Variants in ZMYM2 observed in about 807,000 individuals in gnomAD.
The protein encoded by ZMYM2 is zinc finger MYM-type protein 2.
Under a neutral mutation model 162.8 loss-of-function variants are expected in ZMYM2, and 56 were observed. The ratio of observed to expected loss-of-function variants is 0.34; its 90% confidence interval spans 0.28 to 0.43. The LOEUF (loss-of-function observed/expected upper bound fraction) is 0.43. Ranked by LOEUF, ZMYM2 falls within the 20% of genes least tolerant of loss-of-function variation. ZMYM2 has a pLI of 1.00. For synonymous variants in ZMYM2, 510 were observed against 541.6 expected (o/e 0.94, Z 0.81); for missense variants, 1,275 against 1,621.8 (o/e 0.79, Z 3.67).
the ZMYM2 span, among the ~76,000 whole-genome samples, chr13:19,931,058 G>T: frequency 4.0e-5 from 6 of 150,318 alleles, no homozygotes; most frequent in East Asian, 2.0e-4. Flanking sequence ...AGAATGGCGT[G>T]AACCCAGGAG....
At chr13:19,935,335 C>T in the ZMYM2 span, among the ~76,000 whole-genome samples, 1 of 151,884 alleles carries the variant, frequency 6.6e-6, no homozygotes, top group East Asian at 1.9e-4. Flanking sequence ...AGGGGTCTCA[C>T]CATATTGGCC....
the ZMYM2 span, among the ~76,000 whole-genome samples, chr13:19,931,069 G>A: frequency 1.3e-5 from 2 of 150,698 alleles, no homozygotes; most frequent in Non-Finnish European, 3.0e-5. Context: ...AACCCAGGAG[G>A]CGGAGCTTGC....
At chr13:19,990,347 A>T (rs973510472) in intron 2 of ZMYM2, among the ~76,000 whole-genome samples, 49 of 152,212 alleles carry the variant, frequency 3.2e-4, no homozygotes, top group Non-Finnish European at 2.9e-5. Flanking sequence ...TTTGCTTCTT[A>T]CTTTGATCTG....
At chr13:19,944,010 CG>C in the ZMYM2 span, among the ~76,000 whole-genome samples, 3 of 152,018 alleles carry the variant, frequency 2.0e-5, no homozygotes, top group Admixed American at 2.0e-4. Context: ...GTAAAATATG[CG>C]GGGCTGTAGA....
At chr13:20,057,669 T>C (rs1049154621) in intron 14 of ZMYM2, among the ~76,000 whole-genome samples, 2 of 152,200 alleles carry the variant, frequency 1.3e-5, no homozygotes, top group South Asian at 2.1e-4. Context: ...TACACAAATA[T>C]TCTCTAATGA....
intron 10 of ZMYM2, among the ~76,000 whole-genome samples, chr13:20,033,069 T>C (rs948796952): frequency 6.6e-6 from 1 of 152,154 alleles, no homozygotes; most frequent in Non-Finnish European, 1.5e-5. Flanking sequence ...TGATGATTTT[T>C]AGTGACTGAT....
intron 2 of ZMYM2, among the ~76,000 whole-genome samples, chr13:19,963,093 C>T (rs1434650855): frequency 6.6e-6 from 1 of 152,162 alleles, no homozygotes; most frequent in East Asian, 1.9e-4. Flanking sequence ...CCCGCCTCAA[C>T]CTTCCAGAGT....
intron 21 of ZMYM2, 129 bp from the exon 22 acceptor site, chr13:20,081,887 A>C (rs1376341014): frequency 7.6e-6 from 4 of 525,066 alleles, no homozygotes; most frequent in Non-Finnish European, 1.3e-5. Context: ...AAAATCAGTC[A>C]TGTTTTAGTA....
the ZMYM2 span, among the ~76,000 whole-genome samples, chr13:19,905,782 G>C: frequency 6.6e-6 from 1 of 152,162 alleles, no homozygotes; most frequent in Non-Finnish European, 1.5e-5. Flanking sequence ...TTGGGACTGT[G>C]AGTAACAAAC....
In ZMYM2 at chr13:19,993,430, G is replaced by T. The variant is rs1270581051; in HGVS notation, c.358G>T (p.Asp120Tyr). The T allele has an allele frequency of 2.5e-6, 4 of 1,613,744 alleles. No homozygotes were observed. Among genetic ancestry groups the T allele is most frequent in the Non-Finnish European group, 3.4e-6 (4 of 1,179,890 alleles). The stretch of plus-strand genomic sequence containing the variant: ...AAGTGTAAGTGAGACAATTGTCATT[G>T]ATGATGAAGAGGACATGGAAACAAA... ...KGSVSETIVI[D>Y]DEEDMETNQG... Residue 120 changes from aspartate to tyrosine, a missense_variant, in exon 3 of 25, where the codon GAT (aspartate) becomes TAT (tyrosine). Physicochemically the swap from Asp to Tyr is radical, Grantham distance 160 (BLOSUM62 -3). Around this residue, in one of 10 missense-constraint regions of ZMYM2, gnomAD observed 295 missense variants for 286.7 expected, o/e 1.03. Coordinates refer to ENST00000610343, the MANE Select transcript of ZMYM2 (RefSeq NM_197968.4).
intron 1 of ZMYM2, 39 bp from the exon 2 acceptor site, chr13:19,959,919 G>A (rs1042846020): frequency 6.6e-6 from 1 of 152,270 alleles, no homozygotes; most frequent in Non-Finnish European, 1.5e-5. Context: ...ACCAGGTTGT[G>A]TGTTTTTGAT....
chr13:19,975,487 T>C (rs1056846584), intron 2 of ZMYM2, among the ~76,000 whole-genome samples: 1 of 152,240 alleles, frequency 6.6e-6, no homozygotes, highest in Non-Finnish European at 1.5e-5. Context: ...TATGTTGTAG[T>C]ATGTATCAGA....
the ZMYM2 span, among the ~76,000 whole-genome samples, chr13:19,914,379 G>T: frequency 1.3e-5 from 2 of 152,190 alleles, no homozygotes; most frequent in Non-Finnish European, 2.9e-5. Flanking sequence ...TAGTGGTCAT[G>T]GTGGCAGGGA....
At chr13:19,928,354 GGTAA>G in the ZMYM2 span, among the ~76,000 whole-genome samples, 2 of 152,104 alleles carry the variant, frequency 1.3e-5, no homozygotes, top group Admixed American at 1.3e-4. Context: ...TCCTGTGTCA[GGTAA>G]GTGTGTCAAA....
At chr13:19,894,777 T>C in the ZMYM2 span, among the ~76,000 whole-genome samples, 5 of 152,090 alleles carry the variant, frequency 3.3e-5, no homozygotes, top group Non-Finnish European at 4.4e-5. Flanking sequence ...TGACAAATTA[T>C]AGTGTAATTT....
At chr13:19,918,874 G>A in the ZMYM2 span, among the ~76,000 whole-genome samples, 3 of 152,006 alleles carry the variant, frequency 2.0e-5, no homozygotes, top group African/African-American at 7.3e-5. Context: ...CCAGAAAATT[G>A]GTATCGGTAC....
chr13:20,056,475 G>T (rs1955805164), intron 14 of ZMYM2, among the ~76,000 whole-genome samples: 1 of 152,108 alleles, frequency 6.6e-6, no homozygotes. Flanking sequence ...GCATTTTAAA[G>T]GCTTTCACGG....
At chr13:19,936,658 G>A in the ZMYM2 span, among the ~76,000 whole-genome samples, 1 of 152,062 alleles carries the variant, frequency 6.6e-6, no homozygotes, top group Non-Finnish European at 1.5e-5. Context: ...GGAGGCGGAG[G>A]TTGCAGTGAG....
Position 19,982,281 on chromosome 13 carries a change from C to CTTTTTTT in ZMYM2, c.-10-10765_-10-10759dup, listed in dbSNP as rs56165263. Among the ~76,000 whole-genome samples the CTTTTTTT allele has an allele frequency of 8.6e-4, 74 of 86,270 alleles. 3 individuals are homozygous for CTTTTTTT. The highest frequency in any genetic ancestry group is 1.3e-3 in the African/African-American group (33 of 26,108). 56.6% of individuals were successfully genotyped at this position (86,270 alleles called of 152,430 possible). A position where few individuals can be genotyped will look rare whatever the true frequency, so the allele number is the denominator to read the frequency against. On this transcript the variant is annotated intron_variant, in intron 2 of 24. Transcript: ENST00000610343. Reference sequence around the variant, plus strand: ...TTTCACTGAGTTGTCTATTAGCTGTCTTTTTTTTTTTTTTTTTTTTTTTGG... The same window carrying CTTTTTTT: ...TTTCACTGAGTTGTCTATTAGCTGTCTTTTTTTTTTTTTTTTTTTTTTTTTTTTTTGG...
Sources: allele counts gnomAD v4.1 joint callset (sites outside exome capture counted in the v4.1 genomes callset), GRCh38; gene constraint gnomAD v4.1.1; regional missense constraint gnomAD v4.1.1; transcripts MANE v1.5; gene names NCBI Gene and HGNC (gene_info 2026-07-23, HGNC 2026-07-21).